Variants in LRP1B observed in about 807,000 individuals in gnomAD.
LRP1B encodes low-density lipoprotein receptor-related protein 1B.
In LRP1B, 217 loss-of-function variants were observed where a neutral mutation model predicts 556.6. The ratio of observed to expected loss-of-function variants is 0.39; its 90% CI spans 0.35 to 0.44. The LOEUF (loss-of-function observed/expected upper bound fraction) is 0.44, where lower values mean the gene tolerates loss of function less well. LRP1B is among the 20% of genes least tolerant of loss of function. The pLI, the probability that LRP1B is intolerant of heterozygous loss-of-function variation, is 1.00. For missense variants in LRP1B, 5,053 were observed against 5,620.8 expected, an observed-to-expected ratio of 0.90 and a Z score of 3.23; for synonymous variants, 2,047 against 1,865.8, an observed-to-expected ratio of 1.10 and a Z score of -2.50.
chr2:141,841,436 A>G (rs975706558), intron 1 of LRP1B, among the ~76,000 whole-genome samples: 1 of 152,180 alleles, frequency 6.6e-6, no homozygotes, highest in African/African-American at 2.4e-5. Flanking sequence ...AAAAAAGTAT[A>G]TATTTTTCCT....
chr2:141,624,998 G>C (rs773986579), intron 2 of LRP1B, among the ~76,000 whole-genome samples: 1 of 152,108 alleles, frequency 6.6e-6, no homozygotes, highest in Non-Finnish European at 1.5e-5. Flanking sequence ...TCGATCTCCT[G>C]ACCTCGTGAT....
intron 43 of LRP1B, among the ~76,000 whole-genome samples, chr2:140,576,843 T>C (rs1305301104): frequency 6.6e-6 from 1 of 152,232 alleles, no homozygotes; most frequent in Non-Finnish European, 1.5e-5. Context: ...CTTCCAAAAG[T>C]AAACACATTG....
intron 49 of LRP1B, among the ~76,000 whole-genome samples, chr2:140,524,045 G>A (rs1690311803): frequency 1.3e-5 from 2 of 151,518 alleles, no homozygotes; most frequent in South Asian, 4.2e-4. Context: ...CAGGTACCCT[G>A]GGAGAAAATA....
chr2:140,492,835 G>A, intron 56 of LRP1B, 142 bp from the exon 57 acceptor site: 2 of 586,946 alleles, frequency 3.4e-6, no homozygotes, highest in East Asian at 2.9e-5. Flanking sequence ...GGATCATACT[G>A]AGCAACGTAG....
intron 41 of LRP1B, among the ~76,000 whole-genome samples, chr2:140,651,205 A>T (rs1364546373): frequency 1.3e-5 from 2 of 151,894 alleles, no homozygotes; most frequent in African/African-American, 2.4e-5. Context: ...CTTTGTAGGG[A>T]CATGGATGAA....
intron 20 of LRP1B, among the ~76,000 whole-genome samples, chr2:140,930,331 T>C (rs1695013852): frequency 6.6e-6 from 1 of 152,072 alleles, no homozygotes; most frequent in African/African-American, 2.4e-5. Flanking sequence ...GATAAATAAG[T>C]AAATACAGAG....
intron 3 of LRP1B, among the ~76,000 whole-genome samples, chr2:141,256,609 T>C (rs563558922): frequency 8.5e-5 from 13 of 152,198 alleles, no homozygotes; most frequent in African/African-American, 3.1e-4. Flanking sequence ...AAATGAAGAC[T>C]ATGAATCTTT....
At chr2:141,062,934 G>A (rs1220797005) in intron 7 of LRP1B, among the ~76,000 whole-genome samples, 2 of 151,730 alleles carry the variant, frequency 1.3e-5, no homozygotes, top group African/African-American at 4.8e-5. Context: ...TGGAGAAAAG[G>A]CTGAAGAGTA....
chr2:140,603,111 G>A (rs932220510), intron 41 of LRP1B, among the ~76,000 whole-genome samples: 5 of 151,940 alleles, frequency 3.3e-5, no homozygotes, highest in African/African-American at 1.2e-4. Context: ...GTCTTAACTT[G>A]TTTGACTCTA....
intron 1 of LRP1B, among the ~76,000 whole-genome samples, chr2:142,047,037 G>T (rs1198774752): frequency 1.3e-5 from 2 of 152,006 alleles, no homozygotes; most frequent in Non-Finnish European, 2.9e-5. Flanking sequence ...CTGAGGCAAA[G>T]GCTCTTTCCA....
chr2:140,531,933 T>C (rs1216896671), intron 47 of LRP1B, among the ~76,000 whole-genome samples: 1 of 152,144 alleles, frequency 6.6e-6, no homozygotes, highest in Non-Finnish European at 1.5e-5. Context: ...CTTCACCTTT[T>C]CATATATAAT....
chr2:141,189,888 G>A (rs527355352), intron 6 of LRP1B, among the ~76,000 whole-genome samples: 2 of 151,582 alleles, frequency 1.3e-5, no homozygotes, highest in Non-Finnish European at 1.5e-5. Flanking sequence ...TGCAGGGATG[G>A]GTTTTCTCTG....
intron 83 of LRP1B, among the ~76,000 whole-genome samples, chr2:140,308,194 C>A (rs1171572875): frequency 2.0e-5 from 3 of 151,718 alleles, no homozygotes; most frequent in Non-Finnish European, 4.4e-5. Context: ...TGGTGAGTGT[C>A]TGTCTTTAAA....
At chr2:141,590,419 T>C (rs544576548) in intron 2 of LRP1B, among the ~76,000 whole-genome samples, 2 of 152,112 alleles carry the variant, frequency 1.3e-5, no homozygotes, top group African/African-American at 4.8e-5. Context: ...ATAAAAATAC[T>C]TGGAGTGCCC....
At chr2:140,361,145 C>A (rs1417465619) in intron 72 of LRP1B, among the ~76,000 whole-genome samples, 1 of 150,464 alleles carries the variant, frequency 6.6e-6, no homozygotes, top group African/African-American at 2.4e-5. Flanking sequence ...AACCCACTTT[C>A]TTCCCAATAA....
chr2:141,991,514 C>G (rs979603751), intron 1 of LRP1B, among the ~76,000 whole-genome samples: 1 of 151,934 alleles, frequency 6.6e-6, no homozygotes, highest in Middle Eastern at 3.2e-3. Flanking sequence ...CAACCTCATA[C>G]GCACACACAC....
At chr2:141,360,136 T>C (rs1168463237) in intron 3 of LRP1B, among the ~76,000 whole-genome samples, 3 of 152,190 alleles carry the variant, frequency 2.0e-5, no homozygotes, top group Non-Finnish European at 4.4e-5. Flanking sequence ...TGAAGACCTG[T>C]ATGGACTAAA....
intron 68 of LRP1B, among the ~76,000 whole-genome samples, chr2:140,373,491 T>TA (rs879385686): frequency 1.3e-5 from 2 of 151,718 alleles, no homozygotes; most frequent in Non-Finnish European, 2.9e-5. Flanking sequence ...AAAAAACGGA[T>TA]AAAAAAAAAT....
At chr2:141,404,904 T>C (rs1690578484) in intron 3 of LRP1B, among the ~76,000 whole-genome samples, 1 of 151,678 alleles carries the variant, frequency 6.6e-6, no homozygotes, top group Non-Finnish European at 1.5e-5. Flanking sequence ...TTTTTTACCA[T>C]AGATATTTTT....
Sources: allele counts gnomAD v4.1 joint callset (sites outside exome capture counted in the v4.1 genomes callset), GRCh38; gene constraint gnomAD v4.1.1; transcripts MANE v1.5; gene names NCBI Gene and HGNC (gene_info 2026-07-23, HGNC 2026-07-21).